The following ZHX3 variants were observed in gnomAD, a reference collection of about 807,000 sequenced individuals.
The protein encoded by ZHX3 is zinc fingers and homeoboxes protein 3.
In ZHX3, 20 loss-of-function variants were observed where a neutral mutation model predicts 64.5. The ratio of observed to expected loss-of-function variants is 0.31; its 90% CI spans 0.22 to 0.45. ZHX3 has a LOEUF of 0.45. Among genes scored for constraint, ZHX3 ranks in the 20% least tolerant of loss-of-function variants. The probability of loss-of-function intolerance (pLI) is 1.00; values close to 1 mark genes in which losing one functional copy is unlikely to be tolerated. For synonymous variants in ZHX3, 423 were observed against 461.6 expected, an observed-to-expected ratio of 0.92 and a Z score of 1.07; for missense variants, 1,041 against 1,195.8, an observed-to-expected ratio of 0.87 and a Z score of 1.91.
Position 41,180,038 on chromosome 20 carries a change from G to T in ZHX3, c.*5153C>A, listed in dbSNP as rs1329574765. ...CATACAGGTGCTCATGTGTGTGTGTGCACGCGCACATGAACACACGTTTCA... is the reference window on the plus strand; with the variant it reads ...CATACAGGTGCTCATGTGTGTGTGTTCACGCGCACATGAACACACGTTTCA... On this transcript the variant is annotated 3_prime_UTR_variant, in exon 4 of 4. Transcript: ENST00000683867. 1 of 152,686 alleles carries T rather than the reference G, an allele frequency of 6.5e-6. No homozygotes were observed. Among genetic ancestry groups the T allele is most frequent in the Non-Finnish European group, 1.5e-5 (1 of 68,050 alleles). The allele number at this position is 152,686 out of a possible 1,614,324, so 9.5% of individuals were successfully genotyped here. A position where few individuals can be genotyped will look rare whatever the true frequency, so the allele number is the denominator to read the frequency against.
intron 2 of ZHX3, among the ~76,000 whole-genome samples, chr20:41,237,763 AAAAAT>A (rs769397474): frequency 2.6e-4 from 39 of 152,380 alleles, no homozygotes; most frequent in African/African-American, 6.5e-4. Context: ...GTATAATTAA[AAAAAT>A]AAAATAAAAT....
chr20:41,304,936 T>C (rs1242287076), intron 1 of ZHX3, among the ~76,000 whole-genome samples: 1 of 152,270 alleles, frequency 6.6e-6, no homozygotes, highest in Non-Finnish European at 1.5e-5. Flanking sequence ...CCAAGGACTA[T>C]GTTACAAATC....
At chr20:41,249,103 G>A (rs2041862375) in intron 2 of ZHX3, among the ~76,000 whole-genome samples, 1 of 152,062 alleles carries the variant, frequency 6.6e-6, no homozygotes, top group Non-Finnish European at 1.5e-5. Flanking sequence ...TTTTTTTAAA[G>A]GTACATTTAC....
intron 1 of ZHX3, among the ~76,000 whole-genome samples, chr20:41,297,087 G>A (rs890106252): frequency 2.6e-5 from 4 of 152,192 alleles, no homozygotes; most frequent in African/African-American, 4.8e-5. Flanking sequence ...AACTTTTCCT[G>A]TTGGGACTCT....
At chr20:41,258,444 T>A (rs1179888864) in intron 2 of ZHX3, among the ~76,000 whole-genome samples, 3 of 152,164 alleles carry the variant, frequency 2.0e-5, no homozygotes, top group African/African-American at 7.2e-5. Context: ...CTATTCAGAA[T>A]CCCCGCTGTA....
chr20:41,191,868 C>A (rs550746376), intron 3 of ZHX3, among the ~76,000 whole-genome samples: 1 of 152,194 alleles, frequency 6.6e-6, no homozygotes, highest in African/African-American at 2.4e-5. Flanking sequence ...GGGCCATTCT[C>A]CAGGCACCAG....
intron 2 of ZHX3, among the ~76,000 whole-genome samples, chr20:41,220,661 AGTTTTTTTTG>A (rs1336113373): frequency 2.6e-5 from 4 of 151,584 alleles, no homozygotes; most frequent in African/African-American, 4.8e-5. Flanking sequence ...TATATGATAC[AGTTTTTTTTG>A]GTTTTTTTTG....
At position 41,203,149 on chromosome 20, in the gene ZHX3, T is replaced by A; in HGVS notation, c.1768A>T (p.Thr590Ser). Residue 590 changes from threonine (T) to serine (S), a missense_variant, in exon 3 of 4, where the codon ACA becomes TCA. Around this residue, in one of 4 missense-constraint regions of ZHX3, gnomAD observed 649 missense variants for 739.8 expected, o/e 0.88. Transcript: ENST00000683867. This position sits in a 1 kb window ranked among gnomAD's most constrained non-coding sequence, Gnocchi z 7.1. Reference protein sequence around the residue: ...SKVPEVTCIPTTATLATHPSA... With the variant: ...SKVPEVTCIPSTATLATHPSA... ...GGGTGGGTTGCTAGTGTGGCTGTTG[T>A]CGGAATGCAGGTTACCTCAGGGACC... is the stretch of plus-strand genomic sequence containing the variant. The A allele has an allele frequency of 1.2e-6, 2 of 1,614,046 alleles. No homozygotes were observed. Among genetic ancestry groups the A allele is most frequent in the Non-Finnish European group, 8.5e-7 (1 of 1,179,996 alleles).
At chr20:41,289,516 A>C (rs181347619) in intron 1 of ZHX3, among the ~76,000 whole-genome samples, 50 of 152,280 alleles carry the variant, frequency 3.3e-4, no homozygotes, top group Middle Eastern at 3.4e-3. Flanking sequence ...CTGGTTACAG[A>C]GTAGTGTCTC....
chr20:41,307,306 G>C (rs1007168388), intron 1 of ZHX3, among the ~76,000 whole-genome samples: 3 of 152,182 alleles, frequency 2.0e-5, no homozygotes, highest in Non-Finnish European at 2.9e-5. Context: ...ACCCAGAAAT[G>C]AGATGGTGAG....
chr20:41,295,548 G>T (rs1042506750), intron 1 of ZHX3, among the ~76,000 whole-genome samples: 1 of 152,004 alleles, frequency 6.6e-6, no homozygotes, highest in Non-Finnish European at 1.5e-5. Context: ...TTCACTGTTG[G>T]CTGTACAATA....
At chr20:41,264,744 TACACAAAGC>T (rs1421439832) in intron 2 of ZHX3, among the ~76,000 whole-genome samples, 1 of 152,088 alleles carries the variant, frequency 6.6e-6, no homozygotes, top group Non-Finnish European at 1.5e-5. Flanking sequence ...GAGAAAACTA[TACACAAAGC>T]ACACAAAGCT....
chr20:41,229,557 G>A (rs1350720411), intron 2 of ZHX3, among the ~76,000 whole-genome samples: 2 of 152,118 alleles, frequency 1.3e-5, no homozygotes, highest in African/African-American at 4.8e-5. Context: ...CACATTCATG[G>A]CAATATCTGT....
intron 1 of ZHX3, among the ~76,000 whole-genome samples, chr20:41,293,423 T>C (rs1190688377): frequency 2.0e-5 from 3 of 152,138 alleles, no homozygotes; most frequent in East Asian, 1.9e-4. Flanking sequence ...CATAAGGATA[T>C]TGAAGAACCC....
At chr20:41,264,185 G>C (rs1299003437) in intron 2 of ZHX3, among the ~76,000 whole-genome samples, 3 of 151,840 alleles carry the variant, frequency 2.0e-5, no homozygotes, top group Non-Finnish European at 4.4e-5. Context: ...GAGACGGGCA[G>C]ATTGCCTGAG....
chr20:41,270,820 A>G (rs1600582880), intron 1 of ZHX3, among the ~76,000 whole-genome samples: 1 of 152,180 alleles, frequency 6.6e-6, no homozygotes, highest in East Asian at 1.9e-4. Context: ...AAGTAGCTCA[A>G]TGTCTACTGA....
intron 1 of ZHX3, among the ~76,000 whole-genome samples, chr20:41,290,854 G>A (rs543048446): frequency 6.6e-6 from 1 of 152,276 alleles, no homozygotes; most frequent in African/African-American, 2.4e-5. Context: ...CAGTTAATTA[G>A]TTACCATCTC....
rs371481163 is a variant in ZHX3 at position 41,278,438 on chromosome 20, C to T, written c.-244-9355G>A. On this transcript the variant is annotated intron_variant, in intron 1 of 3. Transcript: ENST00000683867. ...TAAGCACTGTCAACATTCTGATGCACATGCACAATTTTAACCATACTGGGA... is the reference window on the plus strand; with the variant it reads ...TAAGCACTGTCAACATTCTGATGCATATGCACAATTTTAACCATACTGGGA... Among the ~76,000 whole-genome samples, 6 of 140,822 alleles carry T rather than the reference C, an allele frequency of 4.3e-5. 1 individual carries two copies. Among genetic ancestry groups the T allele is most frequent in the African/African-American group, 1.6e-4 (6 of 37,544 alleles). 92.4% of individuals were successfully genotyped at this position (140,822 alleles called of 152,430 possible). A position where few individuals can be genotyped will look rare whatever the true frequency, so the allele number is the denominator to read the frequency against.
rs190467810 is a variant in ZHX3 at position 41,210,240 on chromosome 20, C to G, written c.-150-5174G>C. ...GTGGAGAAATAGGAACACTTTTACA[C>G]TGTTGGTGGGACTGTAAACTAGTTC... On this transcript the variant is annotated intron_variant, in intron 2 of 3. Coordinates refer to ENST00000683867, the MANE Select transcript of ZHX3 (RefSeq NM_001384317.1). Among the ~76,000 whole-genome samples, 40 of 152,340 alleles carry G rather than the reference C, an allele frequency of 2.6e-4. No individual in the cohort carries two copies. In the East Asian group the frequency reaches 7.0e-3, roughly 26 times the overall value.
Sources: gnomAD v4.1 joint callset for allele counts (sites outside exome capture counted in the v4.1 genomes callset) on GRCh38, gnomAD v4.1.1 for gene constraint, gnomAD v4.1.1 regional missense constraint, Gnocchi (gnomAD v3.1) non-coding constraint, MANE v1.5 for transcripts, NCBI Gene and HGNC (gene_info 2026-07-23, HGNC 2026-07-21) for gene names.